BMPR1B: variants seen among roughly 807,000 people sequenced by gnomAD.
BMPR1B encodes the protein bone morphogenetic protein receptor type-1B.
Under a neutral mutation model 59.1 loss-of-function variants are expected in BMPR1B, and 12 were observed. The ratio of observed to expected loss-of-function variants is 0.20; its 90% confidence interval spans 0.13 to 0.33. The LOEUF (loss-of-function observed/expected upper bound fraction) is 0.33, where lower values mean the gene tolerates loss of function less well. BMPR1B is among the 10% of genes least tolerant of loss of function. The probability of loss-of-function intolerance (pLI) is 1.00; values close to 1 mark genes in which losing one functional copy is unlikely to be tolerated. For missense variants in BMPR1B, 550 were observed against 610.9 expected (o/e 0.90, Z 1.05); for synonymous variants, 237 against 207.3 (o/e 1.14, Z -1.23).
chr4:94,828,457 A>G (rs1724460328), intron 1 of BMPR1B, among the ~76,000 whole-genome samples: 1 of 152,204 alleles, frequency 6.6e-6, no homozygotes. Flanking sequence ...TACAGAGCAT[A>G]TTAAGATGTT....
chr4:95,096,051 G>GT lies in BMPR1B; in HGVS notation c.-17-8351dup, dbSNP rs1560649347. Among the ~76,000 whole-genome samples, 5 of 120,352 alleles carry GT rather than the reference G, an allele frequency of 4.2e-5. No homozygotes were observed. In the East Asian group the frequency reaches 7.2e-4, roughly 17 times the overall value. The allele number at this position is 120,352 out of a possible 152,430, so 79.0% of individuals were successfully genotyped here. On this transcript the variant is annotated intron_variant, in intron 3 of 12. Coordinates refer to ENST00000515059, the MANE Select transcript of BMPR1B (RefSeq NM_001203.3). ...ACATTTTACTTTTGTTCTGCATTTT[G>GT]TTTTTTCTGCAAAAATCACGTATAT...
At chr4:94,848,297 C>T (rs1209887062) in intron 1 of BMPR1B, among the ~76,000 whole-genome samples, 1 of 152,198 alleles carries the variant, frequency 6.6e-6, no homozygotes, top group Non-Finnish European at 1.5e-5. Context: ...CATCATTAAA[C>T]CCCCAACATG....
chr4:94,995,985 G>A (rs1167965127), intron 2 of BMPR1B, 55 bp from the exon 3 acceptor site: 3 of 152,212 alleles, frequency 2.0e-5, no homozygotes, highest in African/African-American at 7.2e-5. Context: ...AGACTGCAGT[G>A]GAGGGAATGT....
intron 2 of BMPR1B, among the ~76,000 whole-genome samples, chr4:94,985,415 A>C (rs1721334267): frequency 6.6e-6 from 1 of 152,144 alleles, no homozygotes. Context: ...AATTGGAAAT[A>C]GGGGAGAGCA....
intron 2 of BMPR1B, among the ~76,000 whole-genome samples, chr4:94,913,321 A>T (rs938666269): frequency 1.3e-5 from 2 of 152,226 alleles, no homozygotes; most frequent in East Asian, 3.9e-4. Flanking sequence ...TAAGATTAAC[A>T]GCAACAACAG....
At chr4:94,785,439 A>G (rs1722727448) in intron 1 of BMPR1B, among the ~76,000 whole-genome samples, 1 of 152,216 alleles carries the variant, frequency 6.6e-6, no homozygotes, top group Admixed American at 6.5e-5. Context: ...TGGCATCACA[A>G]TGACCACAGC....
chr4:95,139,726 C>T (rs1415479345), intron 10 of BMPR1B, among the ~76,000 whole-genome samples: 1 of 151,640 alleles, frequency 6.6e-6, no homozygotes, highest in East Asian at 1.9e-4. Context: ...GCGTGGGACC[C>T]TCGGAGCCAT....
intron 1 of BMPR1B, among the ~76,000 whole-genome samples, chr4:94,810,952 A>G (rs1723789266): frequency 6.6e-6 from 1 of 152,214 alleles, no homozygotes; most frequent in Non-Finnish European, 1.5e-5. Context: ...TAGATTGGGT[A>G]GAAAATGTAC....
chr4:95,071,779 T>C (rs1728320317), intron 3 of BMPR1B, among the ~76,000 whole-genome samples: 1 of 151,618 alleles, frequency 6.6e-6, no homozygotes, highest in Admixed American at 6.6e-5. Flanking sequence ...ACTTCAGATT[T>C]AGTTAAATAA....
chr4:94,947,278 A>G (rs928887582), intron 2 of BMPR1B, among the ~76,000 whole-genome samples: 3 of 152,218 alleles, frequency 2.0e-5, no homozygotes, highest in Non-Finnish European at 4.4e-5. Flanking sequence ...AACAAGTGAA[A>G]TTTTTAGTCA....
intron 10 of BMPR1B, among the ~76,000 whole-genome samples, chr4:95,135,735 TTTC>T: frequency 6.6e-6 from 1 of 152,338 alleles, no homozygotes; most frequent in South Asian, 2.1e-4. Context: ...TTTGCTGAAG[TTTC>T]TTATCAGCTT....
chr4:95,049,298 A>G (rs1726261077), intron 3 of BMPR1B, among the ~76,000 whole-genome samples: 2 of 151,904 alleles, frequency 1.3e-5, no homozygotes, highest in African/African-American at 4.8e-5. Flanking sequence ...AAATTATTTT[A>G]GAGACAGGGT....
At chr4:94,841,583 CG>C (rs199891288) in intron 1 of BMPR1B, among the ~76,000 whole-genome samples, 18,335 of 152,138 alleles carry the variant, frequency 0.12, 1,158 homozygotes, top group Non-Finnish European at 0.13. Flanking sequence ...TGACCCCTTG[CG>C]CTTCCCGAGT....
chr4:94,770,180 G>GGTTTTTTTTTTTT (rs771544268), intron 1 of BMPR1B, among the ~76,000 whole-genome samples: 4 of 106,246 alleles, frequency 3.8e-5, no homozygotes, highest in South Asian at 3.1e-4. Flanking sequence ...CTTCGTTTCT[G>GGTTTTTTTTTTTT]TGTTTGTTTT....
intron 2 of BMPR1B, among the ~76,000 whole-genome samples, chr4:94,906,824 A>C (rs912461321): frequency 9.9e-5 from 15 of 152,072 alleles, no homozygotes; most frequent in Admixed American, 9.2e-4. Context: ...TTTTATAATT[A>C]GCTTATAGTT....
At chr4:94,963,898 A>G (rs956946111) in intron 2 of BMPR1B, among the ~76,000 whole-genome samples, 1 of 152,074 alleles carries the variant, frequency 6.6e-6, no homozygotes, top group Non-Finnish European at 1.5e-5. Flanking sequence ...TAGGGATTTC[A>G]TTAAATCTGT....
At chr4:94,874,810 G>A (rs1314569664) in intron 1 of BMPR1B, among the ~76,000 whole-genome samples, 3 of 152,176 alleles carry the variant, frequency 2.0e-5, no homozygotes, top group Admixed American at 6.5e-5. Flanking sequence ...TGACCAATAT[G>A]GTGAAACGCC....
chr4:94,949,317 T>TCATGTGTATATGTGCCACA (rs1409638286), intron 2 of BMPR1B, among the ~76,000 whole-genome samples: 1,846 of 40,886 alleles, frequency 0.045, 397 homozygotes, highest in African/African-American at 0.06. Flanking sequence ...TCTTTTTTTT[T>TCATGTGTATATGTGCCACA]TTTTTTTTTT....
At chr4:95,110,987 A>G (rs1367147705) in intron 4 of BMPR1B, among the ~76,000 whole-genome samples, 4 of 152,168 alleles carry the variant, frequency 2.6e-5, no homozygotes, top group African/African-American at 9.7e-5. Context: ...TGAGTGAGAA[A>G]TAGATATTTT....
Sources: gnomAD v4.1 joint callset for allele counts (sites outside exome capture counted in the v4.1 genomes callset) on GRCh38, gnomAD v4.1.1 for gene constraint, MANE v1.5 for transcripts, NCBI Gene and HGNC (gene_info 2026-07-23, HGNC 2026-07-21) for gene names.